The following PTCH2 variants were observed in gnomAD, a reference collection of about 807,000 sequenced individuals.
PTCH2 encodes patched 2, also known as protein patched homolog 2.
PTCH2 carries 96 observed loss-of-function variants against 117.9 expected under a neutral mutation model. The observed-to-expected ratio is 0.81, with a 90% CI of 0.69 to 0.96. The LOEUF is 0.96. Among genes scored for constraint, PTCH2 ranks in the 50% least tolerant of loss-of-function variants. PTCH2 has a pLI of 0.00. For missense variants in PTCH2, 1,379 were observed against 1,562.5 expected, an observed-to-expected ratio of 0.88 and a Z score of 1.98; for synonymous variants, 615 against 660.9, an observed-to-expected ratio of 0.93 and a Z score of 1.06.
At chr1:44,832,431 G>A (rs1338278544) in intron 2 of PTCH2, 90 bp from the exon 3 acceptor site, 2 of 1,355,500 alleles carry the variant, frequency 1.5e-6, no homozygotes, top group Non-Finnish European at 2.1e-6. Flanking sequence ...GGCCTCCCCA[G>A]ACAAGTGGGA....
downstream of PTCH2, chr1:44,820,181 T>C (rs546992971): frequency 5.7e-6 from 2 of 350,746 alleles, no homozygotes; most frequent in South Asian, 2.1e-5. Context: ...ATCTTGAGGG[T>C]ATCTTTTCGT....
At position 44,827,554 on chromosome 1, in the gene PTCH2, G is replaced by C. The variant is rs768297911; in HGVS notation, c.2219C>G (p.Ala740Gly). 1 of 1,614,130 alleles carries C rather than the reference G, an allele frequency of 6.2e-7. No individual in the cohort carries two copies. The highest frequency in any genetic ancestry group is 8.5e-7 in the Non-Finnish European group (1 of 1,180,020). ...GTCAAAGCCACCCTGGGTCACCAGG[G>C]CCACCTCGTACAGGGAGAAGTACCT... ...QLRYFSLYEVALVTQGGFDYA... is the reference protein window; with the variant it reads ...QLRYFSLYEVGLVTQGGFDYA... Residue 740 changes from alanine to glycine, a missense_variant, in exon 15 of 22, where the codon GCC (alanine) becomes GGC (glycine). Transcript: ENST00000372192.
rs1653012056 is a variant in PTCH2, at chr1:44,823,610, G to A, written c.3115-225C>T. Among the ~76,000 whole-genome samples the A allele has an allele frequency of 6.6e-6, 1 of 152,158 alleles. No individual in the cohort carries two copies. The highest frequency in any genetic ancestry group is 2.1e-4 in the South Asian group (1 of 4,816). ...GACACAGAGACACGTAGAAAATAGG[G>A]TACAGCCTGGGTGACAGAGTGAGAC... is the stretch of plus-strand genomic sequence containing the variant. On this transcript the variant is annotated intron_variant, in intron 19 of 21. Coordinates refer to ENST00000372192, the MANE Select transcript of PTCH2 (RefSeq NM_003738.5). This position sits in a 1 kb window ranked among gnomAD's most constrained non-coding sequence, Gnocchi z 5.1.
chr1:44,832,768 T>A (rs2148880688), intron 2 of PTCH2, among the ~76,000 whole-genome samples: 1 of 152,266 alleles, frequency 6.6e-6, no homozygotes, highest in East Asian at 1.9e-4. Context: ...ATAGGGAGGC[T>A]GCTGCTAGGA....
Position 44,831,137 on chromosome 1 carries a change from T to C in PTCH2, c.618-94A>G. On this transcript the variant is annotated intron_variant, in intron 5 of 21. Coordinates refer to ENST00000372192, the MANE Select transcript of PTCH2 (RefSeq NM_003738.5). The surrounding 1 kb of genome is among the most constrained non-coding windows in gnomAD (Gnocchi z 4.3). ...GCCATGCTGTACCCCACCCTCCTCT[T>C]ATCTGCCGATTTGTCCTTCCATATG... 8.0e-7 allele frequency: 1 copy of C among 1,257,102 alleles called. No homozygotes were observed. 77.9% of individuals were successfully genotyped at this position (1,257,102 alleles called of 1,614,324 possible). A position where few individuals can be genotyped will look rare whatever the true frequency, so the allele number is the denominator to read the frequency against.
chr1:44,822,692 G>C, intron 21 of PTCH2, 23 bp from the exon 22 acceptor site: 3 of 1,612,800 alleles, frequency 1.9e-6, no homozygotes, highest in Non-Finnish European at 2.5e-6. Context: ...ACCAGCCCCA[G>C]TAAGCCCACG....
At chr1:44,824,310 T>C (rs1036760259) in intron 19 of PTCH2, among the ~76,000 whole-genome samples, 4 of 152,166 alleles carry the variant, frequency 2.6e-5, no homozygotes, top group Admixed American at 1.3e-4. Flanking sequence ...AGAATAATAA[T>C]AGAGATATTT....
At chr1:44,829,854 C>T in intron 7 of PTCH2, 55 bp downstream of exon 7, 2 of 1,613,922 alleles carry the variant, frequency 1.2e-6, no homozygotes, top group Non-Finnish European at 1.7e-6. Flanking sequence ...CCTGGCATTA[C>T]AGTATGGGTT....
chr1:44,821,238 G>T (rs1281953940), downstream of PTCH2, among the ~76,000 whole-genome samples: 1 of 152,110 alleles, frequency 6.6e-6, no homozygotes, highest in Non-Finnish European at 1.5e-5. Flanking sequence ...CAGGGCTGTG[G>T]CCACTCTTCA....
Position 44,823,187 on chromosome 1 carries a change from G to A in PTCH2, c.3258-19C>T, listed in dbSNP as rs745648260. 6.2e-7 allele frequency: 1 copy of A among 1,614,114 alleles called. No individual in the cohort carries two copies. Among genetic ancestry groups the A allele is most frequent in the South Asian group, 1.1e-5 (1 of 91,086 alleles). Reference sequence around the variant, plus strand: ...GAAGTACCTAGGGGTAGGGTGTGGGGGGAGTCAGCCCAGGCCTGTCCTGAG... The same window carrying A: ...GAAGTACCTAGGGGTAGGGTGTGGGAGGAGTCAGCCCAGGCCTGTCCTGAG... On this transcript the variant is annotated intron_variant, in intron 20 of 21. Transcript: ENST00000372192. The surrounding 1 kb of genome is among the most constrained non-coding windows in gnomAD (Gnocchi z 5.1).
intron 1 of PTCH2, among the ~76,000 whole-genome samples, chr1:44,842,273 C>A (rs1237420609): frequency 8.0e-6 from 1 of 125,576 alleles, no homozygotes; most frequent in East Asian, 2.5e-4. Context: ...TGTTTTCTCT[C>A]CTTTTTTTTT....
At chr1:44,840,484 G>A (rs1298336293) in intron 2 of PTCH2, among the ~76,000 whole-genome samples, 1 of 150,672 alleles carries the variant, frequency 6.6e-6, no homozygotes, top group Non-Finnish European at 1.5e-5. Context: ...GCTGAGGTGA[G>A]CGGATTACTT....
Position 44,831,865 on chromosome 1 carries a change from CCCT to C in PTCH2, c.526-71_526-69del, listed in dbSNP as rs1553165630. ...CTTTGTAGGATGCCCTCTGCAATCC[CCCT>C]CCTTAGTTTTAAGGGGGCAGATTGC... On this transcript the variant is annotated intron_variant, in intron 4 of 21. Coordinates refer to ENST00000372192, the MANE Select transcript of PTCH2 (RefSeq NM_003738.5). The surrounding 1 kb of genome is among the most constrained non-coding windows in gnomAD (Gnocchi z 4.3). 1 of 1,581,738 alleles carries C rather than the reference CCCT, an allele frequency of 6.3e-7. No individual in the cohort carries two copies. The highest frequency in any genetic ancestry group is 8.7e-7 in the Non-Finnish European group (1 of 1,150,880).
intron 2 of PTCH2, among the ~76,000 whole-genome samples, chr1:44,836,899 C>T (rs909787004): frequency 3.0e-4 from 46 of 152,284 alleles, no homozygotes; most frequent in African/African-American, 1.1e-3. Flanking sequence ...CTGCAGTGAG[C>T]TGTGATTGTG....
At chr1:44,820,236 C>G (rs950621632), downstream of PTCH2, 3 of 387,022 alleles carry the variant, frequency 7.8e-6, no homozygotes, top group Non-Finnish European at 1.6e-5. Context: ...CGGGCTGTTC[C>G]GCGCCACCGG....
chr1:44,821,413 C>G (rs1184639631), downstream of PTCH2, among the ~76,000 whole-genome samples: 2 of 152,212 alleles, frequency 1.3e-5, no homozygotes, highest in Non-Finnish European at 2.9e-5. Flanking sequence ...CTTACAGAGG[C>G]CTTTGCCTTG....
At chr1:44,830,363 C>T (rs991507660) in intron 6 of PTCH2, among the ~76,000 whole-genome samples, 3 of 151,990 alleles carry the variant, frequency 2.0e-5, no homozygotes, top group African/African-American at 7.3e-5. Flanking sequence ...CTTAGTTTCC[C>T]TGTATTAGTC....
chr1:44,830,586 T>TTAAAAAAAAAAAAAAAAA (rs1653389094), intron 6 of PTCH2, among the ~76,000 whole-genome samples: 1 of 41,708 alleles, frequency 2.4e-5, no homozygotes, highest in Non-Finnish European at 4.1e-5. Flanking sequence ...AGAGTGAGAC[T>TTAAAAAAAAAAAAAAAAA]CAAAAAAAAA....
chr1:44,828,553 T>C lies in PTCH2; in HGVS notation c.1543A>G (p.Met515Val), dbSNP rs1653273122. 1 of 1,614,070 alleles carries C rather than the reference T, an allele frequency of 6.2e-7. No homozygotes were observed. The highest frequency in any genetic ancestry group is 2.2e-5 in the East Asian group (1 of 44,884). Residue 515 changes from methionine to valine, a missense_variant, in exon 12 of 22, where the codon ATG becomes GTG. Met to Val is a conservative substitution (Grantham distance 21). Coordinates refer to ENST00000372192, the MANE Select transcript of PTCH2 (RefSeq NM_003738.5). ...TSINNMAAFLMAALVPIPALR... is the reference protein window; with the variant it reads ...TSINNMAAFLVAALVPIPALR... ...GCAGGGATGGGAACGAGGGCAGCCA[T>C]GAGGAAGGCGGCCATGTTGTTGATG...
Sources: allele counts gnomAD v4.1 joint callset (sites outside exome capture counted in the v4.1 genomes callset), GRCh38; gene constraint gnomAD v4.1.1; non-coding constraint Gnocchi (gnomAD v3.1); transcripts MANE v1.5; gene names NCBI Gene and HGNC (gene_info 2026-07-23, HGNC 2026-07-21).